Variants in DNAAF5 observed in about 807,000 individuals in gnomAD.
DNAAF5 encodes the protein HEAT repeat containing 2.
In DNAAF5, 64 loss-of-function variants were observed where a neutral mutation model predicts 75.8. The observed-to-expected ratio is 0.84, with a 90% confidence interval of 0.69 to 1.04. The LOEUF is 1.04. Among genes scored for constraint, DNAAF5 ranks in the 50% least tolerant of loss-of-function variants. The pLI, the probability that DNAAF5 is intolerant of heterozygous loss-of-function variation, is 0.00. For missense variants in DNAAF5, 1,269 were observed against 1,178.5 expected (o/e 1.08, Z -1.12); for synonymous variants, 657 against 557.2 (o/e 1.18, Z -2.52).
rs1196998117 is a variant in DNAAF5, at chr7:785,905, G to A, written c.*252G>A. The A allele has an allele frequency of 8.8e-6, 4 of 455,994 alleles. No individual in the cohort carries two copies. Among genetic ancestry groups the A allele is most frequent in the East Asian group, 3.8e-5 (1 of 25,990 alleles). 28.2% of individuals were successfully genotyped at this position (455,994 alleles called of 1,614,324 possible). ...GCTGATTTGAAATTAAAAGTAAGTC[G>A]CAGCCGCTCCTCCCGCAGCCACTTC... On this transcript the variant is annotated 3_prime_UTR_variant, in exon 13 of 13. Coordinates refer to ENST00000297440, the MANE Select transcript of DNAAF5 (RefSeq NM_017802.4).
At chr7:750,090 C>A (rs1782243931) in intron 4 of DNAAF5, among the ~76,000 whole-genome samples, 1 of 152,198 alleles carries the variant, frequency 6.6e-6, no homozygotes, top group Non-Finnish European at 1.5e-5. Context: ...TCCATAAGGA[C>A]CACGTGGAGG....
rs114882436 is a variant in DNAAF5, at chr7:757,869, C to T, written c.1470+875C>T. Among the ~76,000 whole-genome samples, 1,420 of 152,372 alleles carry T rather than the reference C, an allele frequency of 9.3e-3. 16 individuals are homozygous for T. Among genetic ancestry groups the T allele is most frequent in the Middle Eastern group, 0.034 (10 of 294 alleles). On this transcript the variant is annotated intron_variant, in intron 6 of 12. Transcript: ENST00000297440. ...GATCGTTTCCGGCGGCTTCTATGGCCCCAAAGCTGGCCTGGGGCACGGGGA... is the reference window on the plus strand; with the variant it reads ...GATCGTTTCCGGCGGCTTCTATGGCTCCAAAGCTGGCCTGGGGCACGGGGA...
At chr7:781,918 A>G (rs754604553) in intron 12 of DNAAF5, among the ~76,000 whole-genome samples, 2 of 152,220 alleles carry the variant, frequency 1.3e-5, no homozygotes, top group African/African-American at 4.8e-5. Flanking sequence ...TCTAAGATAC[A>G]GTCTCCCATC....
intron 11 of DNAAF5, among the ~76,000 whole-genome samples, chr7:779,157 A>ATCATGCCCTCC (rs1309967986): frequency 3.3e-5 from 5 of 152,234 alleles, no homozygotes; most frequent in African/African-American, 1.2e-4. Flanking sequence ...CTGAGGGTGG[A>ATCATGCCCTCC]TCATGCCCTC....
At chr7:774,321 G>A (rs949943483) in intron 10 of DNAAF5, 123 bp downstream of exon 10, 41 of 1,055,984 alleles carry the variant, frequency 3.9e-5, no homozygotes, top group African/African-American at 6.5e-5. Context: ...CCTGGGGCCC[G>A]TACCCCAAGA....
At position 754,697 on chromosome 7, in the gene DNAAF5, A is replaced by G; in HGVS notation, c.1133A>G (p.Lys378Arg). 1 of 1,613,968 alleles carries G rather than the reference A, an allele frequency of 6.2e-7. No individual in the cohort carries two copies. Among genetic ancestry groups the G allele is most frequent in the Non-Finnish European group, 8.5e-7 (1 of 1,180,010 alleles). The stretch of plus-strand genomic sequence containing the variant: ...GACTGGGTGGTGGGGACCCGAGTGA[A>G]GTCGGCACAGCTGCTCCCAGTGCTG... ...ITDWVVGTRV[K>R]SAQLLPVLLL... The change falls in exon 5 of 13, where the codon AAG becomes AGG. Residue 378 changes from lysine (K) to arginine (R), a missense_variant. Coordinates refer to ENST00000297440, the MANE Select transcript of DNAAF5 (RefSeq NM_017802.4). The surrounding 1 kb of genome is among the most constrained non-coding windows in gnomAD (Gnocchi z 4.8).
At chr7:755,248 C>T (rs541358698) in intron 5 of DNAAF5, among the ~76,000 whole-genome samples, 7 of 152,284 alleles carry the variant, frequency 4.6e-5, no homozygotes, top group East Asian at 3.9e-4. Context: ...GGCACAGCTT[C>T]GGGTGTCCTG....
rs114907681 is a variant in DNAAF5 at position 785,557 on chromosome 7, G to A, written c.2472G>A (p.Leu824=). The A allele has an allele frequency of 5.9e-4, 955 of 1,613,612 alleles. 5 individuals are homozygous for A. In the African/African-American group the frequency reaches 0.011, roughly 18 times the overall value. The change falls in exon 13 of 13, where the codon CTG becomes CTA. Residue 824 remains leucine, a synonymous_variant. Coordinates refer to ENST00000297440, the MANE Select transcript of DNAAF5 (RefSeq NM_017802.4). ...GCAGCGGGCTGTTCCCAGATCTCCT[G>A]GTGAGGGAGACGGAGGCCGTCATCC... The part of the protein sequence containing the change: ...KEGSGLFPDL[L]VRETEAVIHK...
Position 780,147 on chromosome 7 carries a change from G to A in DNAAF5, c.2431+3G>A. ...GGCCATCCAGGATGCAATTTTAGGT[G>A]AGACTCCGACGGCTTGGCCTTCGTT... On this transcript the variant is annotated splice_donor_region_variant and intron_variant, in intron 12 of 12. Transcript: ENST00000297440. The A allele has an allele frequency of 6.2e-7, 1 of 1,613,488 alleles. No homozygotes were observed. The highest frequency in any genetic ancestry group is 8.5e-7 in the Non-Finnish European group (1 of 1,179,546).
intron 6 of DNAAF5, 123 bp downstream of exon 6, chr7:757,117 A>C (rs1012575658): frequency 9.5e-6 from 9 of 948,446 alleles, no homozygotes; most frequent in Non-Finnish European, 1.2e-5. Context: ...GGAAGCACCC[A>C]GCGACGTGTC....
intron 4 of DNAAF5, among the ~76,000 whole-genome samples, chr7:745,656 C>CT (rs2128074718): frequency 6.6e-6 from 1 of 151,988 alleles, no homozygotes; most frequent in Non-Finnish European, 1.5e-5. Context: ...CACGTACACA[C>CT]TTATCCTCAC....
intron 4 of DNAAF5, among the ~76,000 whole-genome samples, chr7:751,962 G>A (rs906962991): frequency 2.0e-5 from 3 of 152,136 alleles, no homozygotes; most frequent in East Asian, 1.9e-4. Flanking sequence ...TCTCGTGGGC[G>A]TGCAAAGGAC....
intron 4 of DNAAF5, among the ~76,000 whole-genome samples, chr7:751,762 C>T (rs1452800635): frequency 1.3e-5 from 2 of 151,810 alleles, no homozygotes; most frequent in Non-Finnish European, 2.9e-5. Context: ...TTAGTAGAGA[C>T]GGGGTTTCAC....
intron 8 of DNAAF5, among the ~76,000 whole-genome samples, chr7:767,972 G>A (rs1448367197): frequency 3.3e-5 from 5 of 150,756 alleles, no homozygotes; most frequent in Non-Finnish European, 7.4e-5. Flanking sequence ...CAGCAGGAGC[G>A]CTCGTGCTTG....
chr7:732,479 G>C (rs1450151550), intron 2 of DNAAF5: 1 of 451,852 alleles, frequency 2.2e-6, no homozygotes, highest in Non-Finnish European at 4.5e-6. Context: ...TTTCCTGCTC[G>C]ATGTGTGCTG....
chr7:775,007 T>C lies in DNAAF5; in HGVS notation c.2084T>C (p.Ile695Thr). 6.2e-7 allele frequency: 1 copy of C among 1,613,880 alleles called. No homozygotes were observed. The highest frequency in any genetic ancestry group is 8.5e-7 in the Non-Finnish European group (1 of 1,179,950). The change falls in exon 11 of 13, where the codon ATA becomes ACA. Residue 695 changes from isoleucine to threonine, a missense_variant and splice_region_variant. Ile to Thr is a moderately conservative substitution (Grantham distance 89). Transcript: ENST00000297440. ...GTCGTATGTGTTTGCTGATTGCAGA[T>C]ACGGGACGTGCAGGAAACACTGATG... ...TSSEVLSAEQ[I>T]RDVQETLMPQ...
At position 749,288 on chromosome 7, in the gene DNAAF5, C is replaced by A. The variant is rs145123233; in HGVS notation, c.1025-5301C>A. ...GGTGACAGCGGCTCCAGAGTCCTTT[C>A]TGCTTTGAGATTATCCCTCTGTTAA... On this transcript the variant is annotated intron_variant, in intron 4 of 12. Transcript: ENST00000297440. Among the ~76,000 whole-genome samples the A allele has an allele frequency of 3.7e-3, 565 of 152,326 alleles. 6 individuals carry two copies. Among genetic ancestry groups the A allele is most frequent in the African/African-American group, 9.1e-3 (379 of 41,570 alleles).
chr7:785,598 C>T lies in DNAAF5; in HGVS notation c.2513C>T (p.Ala838Val), dbSNP rs1267376926. The change falls in exon 13 of 13, where the codon GCC becomes GTC. Residue 838 changes from alanine (A) to valine (V), a missense_variant. Transcript: ENST00000297440. ...GCCGTCATCCACAAGCACCGCTCGG[C>T]CACCTACTGCGAGCAGCTCCTGCAG... ...TEAVIHKHRS[A>V]TYCEQLLQHV... 6.2e-7 allele frequency: 1 copy of T among 1,613,258 alleles called. No homozygotes were observed.
chr7:770,869 T>G, intron 9 of DNAAF5: 1 of 439,780 alleles, frequency 2.3e-6, no homozygotes, highest in Non-Finnish European at 4.2e-6. Context: ...GCACTCTGGG[T>G]GAGGGTTCCC....
Sources: gnomAD v4.1 joint callset for allele counts (sites outside exome capture counted in the v4.1 genomes callset) on GRCh38, gnomAD v4.1.1 for gene constraint, Gnocchi (gnomAD v3.1) non-coding constraint, MANE v1.5 for transcripts, NCBI Gene and HGNC (gene_info 2026-07-23, HGNC 2026-07-21) for gene names.